Variants in ADAMTS12 observed in about 807,000 individuals in gnomAD.
ADAMTS12 encodes ADAM metallopeptidase with thrombospondin type 1 motif 12.
A neutral mutation model predicts 167.8 loss-of-function variants in ADAMTS12; 118 were observed. The ratio of observed to expected loss-of-function variants is 0.70; its 90% CI spans 0.61 to 0.82. The LOEUF (loss-of-function observed/expected upper bound fraction) is 0.82, where lower values mean the gene tolerates loss of function less well. Among genes scored for constraint, ADAMTS12 ranks in the 40% least tolerant of loss-of-function variants. ADAMTS12 has a pLI of 0.00. For synonymous variants in ADAMTS12, 704 were observed against 716.9 expected (o/e 0.98, Z 0.29); for missense variants, 1,916 against 1,998.8 (o/e 0.96, Z 0.79).
At chr5:33,581,043 T>C (rs2111981591) in intron 18 of ADAMTS12, among the ~76,000 whole-genome samples, 1 of 152,310 alleles carries the variant, frequency 6.6e-6, no homozygotes, top group South Asian at 2.1e-4. Context: ...CCAAGCATAT[T>C]GGGCCTGAAT....
At chr5:33,572,527 G>A (rs1183093915) in intron 19 of ADAMTS12, among the ~76,000 whole-genome samples, 2 of 148,020 alleles carry the variant, frequency 1.4e-5, no homozygotes, top group Non-Finnish European at 3.0e-5. Context: ...ATGCAGAAAA[G>A]GCCTTTGACA....
At chr5:33,640,412 C>T (rs1740395692) in intron 11 of ADAMTS12, among the ~76,000 whole-genome samples, 1 of 152,174 alleles carries the variant, frequency 6.6e-6, no homozygotes, top group Non-Finnish European at 1.5e-5. Flanking sequence ...CTGCCAAGAA[C>T]TTTCACACTG....
Position 33,814,084 on chromosome 5 carries a change from T to C in ADAMTS12, c.490-62536A>G, listed in dbSNP as rs751506097. 8.5e-5 allele frequency among the ~76,000 whole-genome samples: 13 copies of C among 152,348 alleles called. No homozygotes were observed. The South Asian group carries it at 1.0e-3, about 12-fold the overall frequency. ...ATCTGTGGCTTGCTATTTCCCTCCCTTAATGATGTCTTTAATTAGAATGAA... is the reference window on the plus strand; with the variant it reads ...ATCTGTGGCTTGCTATTTCCCTCCCCTAATGATGTCTTTAATTAGAATGAA... On this transcript the variant is annotated intron_variant, in intron 2 of 23. Transcript: ENST00000504830.
intron 2 of ADAMTS12, among the ~76,000 whole-genome samples, chr5:33,767,012 T>C (rs535738586): frequency 1.3e-5 from 2 of 152,316 alleles, no homozygotes; most frequent in East Asian, 1.9e-4. Flanking sequence ...CACTGCATTA[T>C]TGATAATGAT....
intron 2 of ADAMTS12, among the ~76,000 whole-genome samples, chr5:33,869,545 G>T (rs1388513613): frequency 6.6e-6 from 1 of 152,110 alleles, no homozygotes; most frequent in Admixed American, 6.6e-5. Context: ...GTCCAGGGGA[G>T]ACATCACATG....
intron 2 of ADAMTS12, among the ~76,000 whole-genome samples, chr5:33,860,030 G>A (rs563945660): frequency 2.1e-4 from 32 of 152,256 alleles, no homozygotes; most frequent in African/African-American, 7.2e-4. Flanking sequence ...AAGACCAAAG[G>A]TCGATAAATC....
chr5:33,753,670 C>T (rs892335998), intron 2 of ADAMTS12, among the ~76,000 whole-genome samples: 6 of 151,982 alleles, frequency 3.9e-5, no homozygotes, highest in African/African-American at 9.7e-5. Context: ...TGGACCCAAG[C>T]GGCACAGAAG....
chr5:33,849,553 CTGCATAGCAATACACATGTGTAT>C (rs1164868046), intron 2 of ADAMTS12, among the ~76,000 whole-genome samples: 13 of 106,328 alleles, frequency 1.2e-4, no homozygotes, highest in East Asian at 2.7e-4. Context: ...CATATATGTA[CTGCATAGCAATACACATGTGTAT>C]TGCATAGCAA....
At chr5:33,599,392 CT>C (rs901326660) in intron 16 of ADAMTS12, among the ~76,000 whole-genome samples, 5 of 152,292 alleles carry the variant, frequency 3.3e-5, no homozygotes, top group Admixed American at 1.3e-4. Context: ...GTTCTTTTCT[CT>C]TGTGCTACAG....
In ADAMTS12 at chr5:33,618,984, T is replaced by C. The variant is rs150624627; in HGVS notation, c.2144-2912A>G. 3.3e-5 allele frequency among the ~76,000 whole-genome samples: 5 copies of C among 152,346 alleles called. No homozygotes were observed. The East Asian group carries it at 9.6e-4, about 29-fold the overall frequency. On this transcript the variant is annotated intron_variant, in intron 14 of 23. Transcript: ENST00000504830. ...CAAAGAGTATTGGGTGTAATGAGCA[T>C]AAAAGATCCTTATGACCCTCTGGTC... is the stretch of plus-strand genomic sequence containing the variant.
chr5:33,663,308 A>G (rs887838197), intron 5 of ADAMTS12, among the ~76,000 whole-genome samples: 2 of 152,168 alleles, frequency 1.3e-5, no homozygotes, highest in African/African-American at 4.8e-5. Flanking sequence ...CCTCCAATTC[A>G]ACCAGCCAAG....
rs569129557 is a variant in ADAMTS12, at chr5:33,860,074, TGAAAATTCC to T, written c.489+21036_489+21044del. On this transcript the variant is annotated intron_variant, in intron 2 of 23. Transcript: ENST00000504830. ...TGAGGAAAAACCAGCACAAAAAGGC[TGAAAATTCC>T]AAAAACCAGAATGCCTCTTCTCCTC... Among the ~76,000 whole-genome samples, 225 of 152,166 alleles carry T rather than the reference TGAAAATTCC, an allele frequency of 1.5e-3. 2 individuals are homozygous for T. The highest frequency in any genetic ancestry group is 5.2e-3 in the African/African-American group (216 of 41,532).
chr5:33,828,356 T>C (rs1748168886), intron 2 of ADAMTS12, among the ~76,000 whole-genome samples: 1 of 152,222 alleles, frequency 6.6e-6, no homozygotes, highest in Admixed American at 6.5e-5. Context: ...CTTTTGTCAA[T>C]TTTTCTACCA....
chr5:33,885,769 G>C (rs1750613953), intron 1 of ADAMTS12, among the ~76,000 whole-genome samples: 1 of 152,220 alleles, frequency 6.6e-6, no homozygotes. Flanking sequence ...AGATGGGGAG[G>C]GGGCAGCTAG....
At chr5:33,540,103 C>A (rs373393390) in intron 22 of ADAMTS12, among the ~76,000 whole-genome samples, 5 of 152,246 alleles carry the variant, frequency 3.3e-5, no homozygotes, top group African/African-American at 1.2e-4. Flanking sequence ...TACTCCCACT[C>A]AAATACTGCA....
chr5:33,539,951 A>C (rs923685150), intron 22 of ADAMTS12, among the ~76,000 whole-genome samples: 1 of 152,186 alleles, frequency 6.6e-6, no homozygotes, highest in African/African-American at 2.4e-5. Context: ...CTGGTTGGAC[A>C]GTGGGTGCAG....
chr5:33,607,005 T>G (rs1738474747), intron 16 of ADAMTS12, among the ~76,000 whole-genome samples: 1 of 152,136 alleles, frequency 6.6e-6, no homozygotes. Context: ...AGAATATTAA[T>G]GGAGAAAAAC....
chr5:33,691,201 A>G (rs1742535730), intron 3 of ADAMTS12, among the ~76,000 whole-genome samples: 1 of 152,214 alleles, frequency 6.6e-6, no homozygotes, highest in Admixed American at 6.5e-5. Flanking sequence ...ACCAGCCTAT[A>G]AAAGAAAGAC....
chr5:33,636,796 C>T (rs774476741), intron 12 of ADAMTS12, among the ~76,000 whole-genome samples: 1 of 152,120 alleles, frequency 6.6e-6, no homozygotes, highest in Non-Finnish European at 1.5e-5. Flanking sequence ...ACAAACAACA[C>T]AAATATGTTT....
Sources: gnomAD v4.1 joint callset for allele counts (sites outside exome capture counted in the v4.1 genomes callset) on GRCh38, gnomAD v4.1.1 for gene constraint, MANE v1.5 for transcripts, NCBI Gene and HGNC (gene_info 2026-07-23, HGNC 2026-07-21) for gene names.